Variants in TTLL5 observed in about 807,000 individuals in gnomAD.
TTLL5 encodes the protein tubulin tyrosine ligase like 5, also known as tubulin polyglutamylase TTLL5.
Under a neutral mutation model 168.4 loss-of-function variants are expected in TTLL5, and 132 were observed. The ratio of observed to expected loss-of-function variants is 0.78; its 90% CI spans 0.68 to 0.91. The LOEUF (loss-of-function observed/expected upper bound fraction) is 0.91, where lower values mean the gene tolerates loss of function less well. Among genes scored for constraint, TTLL5 ranks in the 40% least tolerant of loss-of-function variants. The pLI, the probability that TTLL5 is intolerant of heterozygous loss-of-function variation, is 0.00. For synonymous variants in TTLL5, 546 were observed against 558.6 expected (o/e 0.98, Z 0.32); for missense variants, 1,545 against 1,581.5 (o/e 0.98, Z 0.39).
chr14:75,941,874 TG>T (rs2034617813), intron 31 of TTLL5, among the ~76,000 whole-genome samples: 1 of 133,508 alleles, frequency 7.5e-6, no homozygotes, highest in African/African-American at 2.8e-5. Context: ...TTTTCTGAAC[TG>T]GAAAAGCTAT....
At chr14:75,790,507 T>C (rs1301748443) in intron 26 of TTLL5, among the ~76,000 whole-genome samples, 1 of 151,610 alleles carries the variant, frequency 6.6e-6, no homozygotes, top group Non-Finnish European at 1.5e-5. Context: ...GGTCTCACTC[T>C]GTCACCCAGG....
chr14:75,877,243 T>G (rs1250561462), intron 29 of TTLL5, among the ~76,000 whole-genome samples: 1 of 152,118 alleles, frequency 6.6e-6, no homozygotes, highest in Non-Finnish European at 1.5e-5. Flanking sequence ...GAAGCCTGAG[T>G]GAAGGCTAAA....
chr14:75,885,229 G>A (rs888680808), intron 30 of TTLL5, among the ~76,000 whole-genome samples: 11 of 151,238 alleles, frequency 7.3e-5, no homozygotes, highest in South Asian at 2.1e-4. Context: ...GGTGGCTCAC[G>A]CCTGTAATCC....
chr14:75,872,883 GC>G (rs2031153676), intron 29 of TTLL5, among the ~76,000 whole-genome samples: 1 of 143,832 alleles, frequency 7.0e-6, no homozygotes, highest in East Asian at 2.1e-4. Flanking sequence ...TTGCACTCCA[GC>G]CTGGGCAACA....
chr14:75,911,920 A>G (rs1272200458), intron 31 of TTLL5, among the ~76,000 whole-genome samples: 1 of 152,178 alleles, frequency 6.6e-6, no homozygotes, highest in East Asian at 1.9e-4. Flanking sequence ...TCGAGAGGAG[A>G]GAGACCCTCA....
At chr14:75,715,512 A>G (rs1341825895) in intron 9 of TTLL5, among the ~76,000 whole-genome samples, 2 of 152,212 alleles carry the variant, frequency 1.3e-5, no homozygotes, top group African/African-American at 2.4e-5. Flanking sequence ...CTTATTTACT[A>G]TGGATTTTAG....
intron 31 of TTLL5, among the ~76,000 whole-genome samples, chr14:75,914,656 C>T (rs1026813456): frequency 1.7e-4 from 22 of 126,640 alleles, no homozygotes; most frequent in Admixed American, 6.7e-4. Context: ...CGGAGTCTTG[C>T]TCTGTCGCCC....
chr14:75,914,124 T>TG, intron 31 of TTLL5, among the ~76,000 whole-genome samples: 1 of 148,282 alleles, frequency 6.7e-6, no homozygotes, highest in African/African-American at 2.5e-5. Flanking sequence ...TGTTTTGAGA[T>TG]GAGTCCCGCT....
intron 5 of TTLL5, among the ~76,000 whole-genome samples, chr14:75,688,805 A>C (rs1885248111): frequency 6.6e-6 from 1 of 152,334 alleles, no homozygotes; most frequent in South Asian, 2.1e-4. Flanking sequence ...AGTAGAGAGT[A>C]GGAAAAACAC....
At chr14:75,863,586 T>TA (rs1356816901) in intron 28 of TTLL5, 81 bp from the exon 29 acceptor site, 5 of 1,356,720 alleles carry the variant, frequency 3.7e-6, no homozygotes, top group Non-Finnish European at 4.0e-6. Context: ...ATTGGAAAAA[T>TA]ACCTGAGATA....
chr14:75,687,037 T>C (rs1169003766), intron 5 of TTLL5, among the ~76,000 whole-genome samples: 2 of 152,234 alleles, frequency 1.3e-5, no homozygotes, highest in Non-Finnish European at 2.9e-5. Context: ...ACAGTCAAAC[T>C]TTTTTGTTGT....
rs145164282 is a variant in TTLL5 at position 75,848,083 on chromosome 14, G to A, written c.3327-15584G>A. Among the ~76,000 whole-genome samples the A allele has an allele frequency of 3.7e-3, 557 of 151,850 alleles. 8 individuals are homozygous for A. The highest frequency in any genetic ancestry group is 0.011 in the African/African-American group (451 of 41,274). On this transcript the variant is annotated intron_variant, in intron 28 of 31. Coordinates refer to ENST00000298832, the MANE Select transcript of TTLL5 (RefSeq NM_015072.5). ...GGAGAAGGTTTAAAAAAAAGGTGGA[G>A]TTTTGGAGTTGTCTCCTATTTCCCT...
intron 28 of TTLL5, among the ~76,000 whole-genome samples, chr14:75,832,926 G>GCT (rs1425336507): frequency 6.6e-6 from 1 of 152,130 alleles, no homozygotes; most frequent in Non-Finnish European, 1.5e-5. Flanking sequence ...CCCAGGCTGA[G>GCT]CTCTCTCTTT....
At chr14:75,712,620 C>T (rs1466594737) in intron 9 of TTLL5, 2 of 151,386 alleles carry the variant, frequency 1.3e-5, no homozygotes, top group Admixed American at 6.6e-5. Context: ...TGTTTTGGTT[C>T]CATATTGGTA....
intron 3 of TTLL5, among the ~76,000 whole-genome samples, chr14:75,678,905 A>G (rs1362830513): frequency 3.3e-5 from 5 of 152,318 alleles, no homozygotes; most frequent in South Asian, 4.1e-4. Context: ...TGCGTGTCCT[A>G]TTCCCTAATA....
At chr14:75,719,580 A>G (rs1268075575) in intron 10 of TTLL5, among the ~76,000 whole-genome samples, 155 bp from the exon 11 acceptor site, 1 of 152,218 alleles carries the variant, frequency 6.6e-6, no homozygotes, top group African/African-American at 2.4e-5. Flanking sequence ...AGGATATATG[A>G]CAAAAAGGAC....
At chr14:75,791,728 ATATAG>A (rs1275561503) in intron 26 of TTLL5, among the ~76,000 whole-genome samples, 1 of 152,186 alleles carries the variant, frequency 6.6e-6, no homozygotes, top group African/African-American at 2.4e-5. Flanking sequence ...GTACTAAATA[ATATAG>A]TAAACGTGAA....
intron 9 of TTLL5, chr14:75,710,439 A>ACACACAG (rs1566823395): frequency 5.2e-5 from 7 of 133,386 alleles, no homozygotes; most frequent in African/African-American, 2.0e-4. Context: ...CACACACACA[A>ACACACAG]TGGATGTTTT....
At chr14:75,760,569 A>G (rs1226842452) in intron 18 of TTLL5, among the ~76,000 whole-genome samples, 1 of 152,094 alleles carries the variant, frequency 6.6e-6, no homozygotes, top group Non-Finnish European at 1.5e-5. Context: ...TGACCTAAAT[A>G]CTGTAATTCT....
Sources: gnomAD v4.1 joint callset for allele counts (sites outside exome capture counted in the v4.1 genomes callset) on GRCh38, gnomAD v4.1.1 for gene constraint, MANE v1.5 for transcripts, NCBI Gene and HGNC (gene_info 2026-07-23, HGNC 2026-07-21) for gene names.